Variants in COG6 observed in about 807,000 individuals in gnomAD.
COG6 encodes component of oligomeric golgi complex 6.
Under a neutral mutation model 88.8 loss-of-function variants are expected in COG6, and 74 were observed. That is an observed-to-expected ratio of 0.83 (90% CI 0.69 to 1.01). COG6 has a LOEUF of 1.01. COG6 is among the 50% of genes least tolerant of loss of function. The probability of loss-of-function intolerance (pLI) is 0.00; values close to 1 mark genes in which losing one functional copy is unlikely to be tolerated. For synonymous variants in COG6, 286 were observed against 278.7 expected (o/e 1.03, Z -0.26); for missense variants, 800 against 797.9 (o/e 1.00, Z -0.03).
rs759271982 is a variant in COG6 at position 39,694,961 on chromosome 13, A to G, written c.1166+236A>G. 0.065 allele frequency among the ~76,000 whole-genome samples: 9,212 copies of G among 141,404 alleles called. 357 individuals are homozygous for G. Among genetic ancestry groups the G allele is most frequent in the Non-Finnish European group, 0.098 (6,314 of 64,114 alleles). 92.8% of individuals were successfully genotyped at this position (141,404 alleles called of 152,430 possible). On this transcript the variant is annotated intron_variant, in intron 12 of 18. Coordinates refer to ENST00000455146, the MANE Select transcript of COG6 (RefSeq NM_020751.3). ...TCTCCAAGCTTAACTACACGCACAC[A>G]CACACACACACACACACACACACAC...
rs4245396 is a variant in COG6 at position 39,751,173 on chromosome 13, C to G, written c.*80C>G. 1.3e-6 allele frequency: 2 copies of G among 1,563,690 alleles called. No individual in the cohort carries two copies. Among genetic ancestry groups the G allele is most frequent in the African/African-American group, 1.4e-5 (1 of 72,838 alleles). On this transcript the variant is annotated 3_prime_UTR_variant, in exon 19 of 19. Coordinates refer to ENST00000455146, the MANE Select transcript of COG6 (RefSeq NM_020751.3). ...ATTTTTTATTCTTTGAATTTTTACT[C>G]TATAATTTGATAGTTACAGTTTTCT...
chr13:39,748,596 C>CA (rs1880463022), intron 18 of COG6, among the ~76,000 whole-genome samples: 1 of 150,928 alleles, frequency 6.6e-6, no homozygotes, highest in Admixed American at 6.6e-5. Flanking sequence ...GCCTGGGTGA[C>CA]AAAGAAGTGA....
At chr13:39,705,570 A>G (rs1412961802) in intron 13 of COG6, among the ~76,000 whole-genome samples, 2 of 152,146 alleles carry the variant, frequency 1.3e-5, no homozygotes, top group African/African-American at 4.8e-5. Flanking sequence ...GTGCAGTTCT[A>G]ATTGCAAGGA....
At chr13:39,752,730 CT>C, downstream of COG6, 1 of 1,047,072 alleles carries the variant, frequency 9.6e-7, no homozygotes, top group Non-Finnish European at 1.2e-6. Context: ...TAGGGCAAAA[CT>C]GAGGTAATCA....
At chr13:39,758,600 T>C (rs988966060) in intron 18 of COG6, among the ~76,000 whole-genome samples, 1 of 152,156 alleles carries the variant, frequency 6.6e-6, no homozygotes, top group African/African-American at 2.4e-5. Context: ...GCTGGTATGA[T>C]GTGGAGAAAT....
At chr13:39,667,220 C>G (rs1271333987) in intron 4 of COG6, among the ~76,000 whole-genome samples, 1 of 152,122 alleles carries the variant, frequency 6.6e-6, no homozygotes. Flanking sequence ...GATTTTATTC[C>G]TCATGCCAGA....
At chr13:39,708,877 A>G (rs910063967) in intron 13 of COG6, among the ~76,000 whole-genome samples, 1 of 152,114 alleles carries the variant, frequency 6.6e-6, no homozygotes, top group Non-Finnish European at 1.5e-5. Flanking sequence ...TCTTAGTACC[A>G]GTAGTGTAGT....
exon 19 of COG6, chr13:39,789,876 A>C (rs1224674693): frequency 6.5e-6 from 1 of 153,024 alleles, no homozygotes; most frequent in African/African-American, 2.4e-5. Context: ...AAAAAAAGAA[A>C]ATTTTATATT....
chr13:39,685,415 A>C (rs1410431368), intron 8 of COG6, among the ~76,000 whole-genome samples: 1 of 152,160 alleles, frequency 6.6e-6, no homozygotes, highest in African/African-American at 2.4e-5. Flanking sequence ...TGACATTAAT[A>C]TTAATGTTTA....
intron 18 of COG6, among the ~76,000 whole-genome samples, chr13:39,736,681 A>G (rs1326572950): frequency 6.6e-6 from 1 of 152,174 alleles, no homozygotes; most frequent in African/African-American, 2.4e-5. Context: ...AGAAGAGCAA[A>G]ACTCCATTTC....
chr13:39,703,638 A>G (rs1877712058), intron 13 of COG6, among the ~76,000 whole-genome samples: 1 of 152,144 alleles, frequency 6.6e-6, no homozygotes, highest in Admixed American at 6.6e-5. Flanking sequence ...TTCCCACAAG[A>G]AAAAACATTT....
intron 18 of COG6, among the ~76,000 whole-genome samples, chr13:39,739,018 A>G (rs1302044346): frequency 6.6e-6 from 1 of 152,142 alleles, no homozygotes; most frequent in African/African-American, 2.4e-5. Context: ...CAGTACTACC[A>G]ATCTTTACCT....
At chr13:39,736,249 A>T (rs1879738058) in intron 18 of COG6, among the ~76,000 whole-genome samples, 1 of 151,892 alleles carries the variant, frequency 6.6e-6, no homozygotes, top group African/African-American at 2.4e-5. Flanking sequence ...CCTGTCTTCA[A>T]GCTCAGTAGT....
rs529886595 is a variant in COG6 at position 39,778,382 on chromosome 13, G to T, written c.1827-9953G>T. ...ATTCATAACAACCAATGAAAGAAGG[G>T]ACTATGTAGCTCATGTGCATTATTG... On this transcript the variant is annotated intron_variant, in intron 18 of 18. Coordinates refer to the COG6 transcript ENST00000416691. 3.9e-5 allele frequency among the ~76,000 whole-genome samples: 6 copies of T among 152,280 alleles called. No homozygotes were observed. The East Asian group carries it at 9.7e-4, about 25-fold the overall frequency.
Position 39,723,441 on chromosome 13 carries a change from G to T in COG6, c.1692+1G>T. The T allele has an allele frequency of 6.6e-7, 1 of 1,507,424 alleles. No individual in the cohort carries two copies. The highest frequency in any genetic ancestry group is 9.2e-7 in the Non-Finnish European group (1 of 1,083,210). The allele number at this position is 1,507,424 out of a possible 1,614,324, so 93.4% of individuals were successfully genotyped here. On this transcript the variant is annotated splice_donor_variant, in intron 16 of 18. Transcript: ENST00000455146. LOFTEE classifies it high-confidence loss of function. ...TGTACAGCAACATAAACCTGAACAG[G>T]TAAGTGCATAGATGTTCCTTCCTAA...
At position 39,696,068 on chromosome 13, in the gene COG6, C is replaced by T. The variant is rs150362685; in HGVS notation, c.1166+1343C>T. Among the ~76,000 whole-genome samples the T allele has an allele frequency of 3.5e-3, 526 of 151,902 alleles. 1 individual carries two copies. Among genetic ancestry groups the T allele is most frequent in the Admixed American group, 6.6e-3 (101 of 15,228 alleles). The stretch of plus-strand genomic sequence containing the variant: ...AGAAAATGCTGGAAATAAAATAATT[C>T]AGATTCTGAAGATGATAATAGGTTT... On this transcript the variant is annotated intron_variant, in intron 12 of 18. Coordinates refer to ENST00000455146, the MANE Select transcript of COG6 (RefSeq NM_020751.3).
chr13:39,752,392 A>G lies in COG6; in HGVS notation c.*1299A>G, dbSNP rs1315617801. The G allele has an allele frequency of 2.0e-6, 2 of 999,746 alleles. No homozygotes were observed. Among genetic ancestry groups the G allele is most frequent in the Non-Finnish European group, 1.3e-6 (1 of 747,774 alleles). 61.9% of individuals were successfully genotyped at this position (999,746 alleles called of 1,614,324 possible). A position where few individuals can be genotyped will look rare whatever the true frequency, so the allele number is the denominator to read the frequency against. On this transcript the variant is annotated 3_prime_UTR_variant, in exon 19 of 19. Coordinates refer to ENST00000455146, the MANE Select transcript of COG6 (RefSeq NM_020751.3). ...TACAGTTCTTTTTGGAGTAAGAATG[A>G]TTATATAATCGTTATCCATTTGGGT...
At chr13:39,731,648 T>G (rs917751353) in intron 18 of COG6, among the ~76,000 whole-genome samples, 1 of 152,232 alleles carries the variant, frequency 6.6e-6, no homozygotes, top group African/African-American at 2.4e-5. Context: ...TTGATAACTC[T>G]TTTATTCAAG....
At chr13:39,740,636 G>A (rs905433446) in intron 18 of COG6, among the ~76,000 whole-genome samples, 18 of 152,080 alleles carry the variant, frequency 1.2e-4, no homozygotes, top group African/African-American at 3.4e-4. Context: ...GCTCGTAGAC[G>A]TCTGGCATAT....
Sources: allele counts gnomAD v4.1 joint callset (sites outside exome capture counted in the v4.1 genomes callset), GRCh38; gene constraint gnomAD v4.1.1; transcripts MANE v1.5; gene names NCBI Gene and HGNC (gene_info 2026-07-23, HGNC 2026-07-21).